SLC4A4: variants seen among roughly 807,000 people sequenced by gnomAD.
The protein encoded by SLC4A4 is solute carrier family 4 member 4, also known as electrogenic sodium bicarbonate cotransporter 1.
Under a neutral mutation model 111.5 loss-of-function variants are expected in SLC4A4, and 27 were observed. That is an observed-to-expected ratio of 0.24 (90% CI 0.18 to 0.33). SLC4A4 has a LOEUF of 0.33. Ranked by LOEUF, SLC4A4 falls within the 10% of genes least tolerant of loss-of-function variation. The pLI is 1.00. For missense variants in SLC4A4, 909 were observed against 1,315.5 expected (o/e 0.69, Z 4.78); for synonymous variants, 443 against 463.4 (o/e 0.96, Z 0.57).
intron 7 of SLC4A4, chr4:71,437,068 C>A: frequency 2.4e-6 from 1 of 413,902 alleles, no homozygotes; most frequent in East Asian, 7.2e-5. Context: ...TATCTCATAG[C>A]CACAGGCAAT....
intron 7 of SLC4A4, among the ~76,000 whole-genome samples, chr4:71,423,411 G>A (rs1200665533): frequency 2.0e-5 from 3 of 152,106 alleles, no homozygotes; most frequent in Non-Finnish European, 4.4e-5. Context: ...TGGCCATACT[G>A]CCCAAGGTCA....
chr4:71,300,984 T>C, intron 3 of SLC4A4: 1 of 483,770 alleles, frequency 2.1e-6, no homozygotes. Flanking sequence ...GGGAGCAGCT[T>C]AGTGCCAGAG....
At chr4:71,084,873 A>G (rs1426679727) in intron 1 of SLC4A4, among the ~76,000 whole-genome samples, 1 of 152,068 alleles carries the variant, frequency 6.6e-6, no homozygotes, top group Non-Finnish European at 1.5e-5. Context: ...ATACCTGTGC[A>G]TGTGTCTCTC....
At chr4:71,521,198 T>C (rs2149192935) in intron 16 of SLC4A4, among the ~76,000 whole-genome samples, 1 of 152,314 alleles carries the variant, frequency 6.6e-6, no homozygotes, top group Middle Eastern at 3.4e-3. Flanking sequence ...CACCTATCCT[T>C]AGGGCCACCC....
chr4:71,524,142 A>G (rs1458782302), intron 16 of SLC4A4, among the ~76,000 whole-genome samples: 1 of 152,106 alleles, frequency 6.6e-6, no homozygotes, highest in Non-Finnish European at 1.5e-5. Flanking sequence ...TCTCCCTGCA[A>G]TGTCTTTAGG....
chr4:71,479,846 G>A (rs142215194), intron 14 of SLC4A4, among the ~76,000 whole-genome samples: 8 of 151,662 alleles, frequency 5.3e-5, no homozygotes, highest in South Asian at 4.2e-4. Flanking sequence ...AATGCTTGCC[G>A]GAATCAGAAA....
chr4:71,189,480 G>GAA, intron 1 of SLC4A4, among the ~76,000 whole-genome samples: 1 of 152,154 alleles, frequency 6.6e-6, no homozygotes, highest in Admixed American at 6.5e-5. Flanking sequence ...ATAGAAATCG[G>GAA]GTAACCTTTG....
chr4:71,383,432 G>A (rs1028802277), intron 6 of SLC4A4, among the ~76,000 whole-genome samples: 5 of 152,072 alleles, frequency 3.3e-5, no homozygotes, highest in African/African-American at 1.2e-4. Context: ...CTACATTTAG[G>A]TCTCACTCCT....
intron 1 of SLC4A4, among the ~76,000 whole-genome samples, chr4:71,083,951 T>C (rs1471611090): frequency 6.6e-6 from 1 of 151,918 alleles, no homozygotes; most frequent in East Asian, 1.9e-4. Context: ...CACTTCTATT[T>C]TGGTAGTGGG....
intron 9 of SLC4A4, among the ~76,000 whole-genome samples, chr4:71,449,282 G>A (rs908730801): frequency 1.5e-4 from 23 of 152,166 alleles, no homozygotes; most frequent in African/African-American, 5.5e-4. Flanking sequence ...GGTAATGCTA[G>A]CTGTATCTCC....
At chr4:71,109,894 G>A (rs1309025444) in intron 2 of SLC4A4, among the ~76,000 whole-genome samples, 1 of 152,120 alleles carries the variant, frequency 6.6e-6, no homozygotes, top group Non-Finnish European at 1.5e-5. Flanking sequence ...TAAAAATCTA[G>A]CCTTGCTCCC....
intron 6 of SLC4A4, among the ~76,000 whole-genome samples, chr4:71,369,441 C>G (rs1179389309): frequency 6.6e-6 from 1 of 152,178 alleles, no homozygotes; most frequent in Non-Finnish European, 1.5e-5. Flanking sequence ...CCATGGGACA[C>G]TTCTCTGAAC....
intron 2 of SLC4A4, among the ~76,000 whole-genome samples, chr4:71,143,625 T>C (rs1744074466): frequency 6.6e-6 from 1 of 152,212 alleles, no homozygotes; most frequent in African/African-American, 2.4e-5. Context: ...TTCCTGACTT[T>C]TTAATGATCG....
At chr4:71,566,385 AT>A (rs1737473057) in intron 24 of SLC4A4, among the ~76,000 whole-genome samples, 2 of 151,906 alleles carry the variant, frequency 1.3e-5, no homozygotes, top group South Asian at 4.1e-4. Flanking sequence ...TGTAAAAGCT[AT>A]TTTTTAAAAA....
At chr4:71,343,303 C>G (rs914655339) in intron 4 of SLC4A4, among the ~76,000 whole-genome samples, 1 of 152,014 alleles carries the variant, frequency 6.6e-6, no homozygotes, top group Non-Finnish European at 1.5e-5. Flanking sequence ...CCCAAGGTAC[C>G]CAGAATGCCA....
chr4:71,400,185 G>A lies in SLC4A4; in HGVS notation c.807+2532G>A, dbSNP rs549168436. 4.6e-5 allele frequency among the ~76,000 whole-genome samples: 7 copies of A among 152,250 alleles called. No homozygotes were observed. The South Asian group carries it at 1.5e-3, about 32-fold the overall frequency. The stretch of plus-strand genomic sequence containing the variant: ...CAGCTCTCCTTTTGCCAGGAATTTG[G>A]CAAGAAGCAGCTGGTAAATGCTGAC... On this transcript the variant is annotated intron_variant, in intron 7 of 25. Transcript: ENST00000264485.
At chr4:71,099,931 T>A (rs796789324) in intron 2 of SLC4A4, among the ~76,000 whole-genome samples, 9 of 152,166 alleles carry the variant, frequency 5.9e-5, no homozygotes, top group African/African-American at 1.9e-4. Flanking sequence ...AAGAGACCAA[T>A]AATGAGCTCC....
At chr4:71,472,405 TCTATG>T (rs1185396287) in intron 13 of SLC4A4, among the ~76,000 whole-genome samples, 3 of 151,962 alleles carry the variant, frequency 2.0e-5, no homozygotes, top group Non-Finnish European at 4.4e-5. Context: ...CTCTATAAAC[TCTATG>T]AAGGTAGGGA....
At chr4:71,506,630 T>C (rs138087031) in intron 16 of SLC4A4, among the ~76,000 whole-genome samples, 1 of 152,118 alleles carries the variant, frequency 6.6e-6, no homozygotes. Flanking sequence ...TTATATAATC[T>C]GCAAACTAGG....
Sources: allele counts gnomAD v4.1 joint callset (sites outside exome capture counted in the v4.1 genomes callset), GRCh38; gene constraint gnomAD v4.1.1; transcripts MANE v1.5; gene names NCBI Gene and HGNC (gene_info 2026-07-23, HGNC 2026-07-21).